CORIN: variants seen among roughly 807,000 people sequenced by gnomAD.
The protein encoded by CORIN is corin, serine peptidase.
Under a neutral mutation model 125.3 loss-of-function variants are expected in CORIN, and 117 were observed. The ratio of observed to expected loss-of-function variants is 0.93; its 90% CI spans 0.80 to 1.09. The LOEUF is 1.09. Ranked by LOEUF, CORIN falls within the 50% of genes least tolerant of loss-of-function variation. The pLI is 0.00. For synonymous variants in CORIN, 450 were observed against 466.4 expected (o/e 0.96, Z 0.45); for missense variants, 1,253 against 1,306.7 (o/e 0.96, Z 0.63).
At chr4:47,706,501 C>T (rs764303176) in intron 5 of CORIN, 62 of 1,611,526 alleles carry the variant, frequency 3.8e-5, no homozygotes, top group East Asian at 1.6e-4. Flanking sequence ...CCGCCCCACC[C>T]GGCCTGATAA....
chr4:47,601,838 A>G (rs16860440), intron 20 of CORIN, among the ~76,000 whole-genome samples: 13,863 of 152,156 alleles, frequency 0.091, 709 homozygotes, highest in East Asian at 0.17. Flanking sequence ...CTGTTCTGTA[A>G]TTGATGAAAT....
At chr4:47,814,593 T>C (rs987249914) in intron 1 of CORIN, among the ~76,000 whole-genome samples, 2 of 152,178 alleles carry the variant, frequency 1.3e-5, no homozygotes, top group Non-Finnish European at 2.9e-5. Context: ...AAGCCAGGCA[T>C]CTGCAATTCT....
intron 21 of CORIN, among the ~76,000 whole-genome samples, chr4:47,597,689 C>A (rs900355693): frequency 1.3e-5 from 2 of 152,154 alleles, no homozygotes; most frequent in African/African-American, 4.8e-5. Flanking sequence ...AGATGCTCAG[C>A]TATTGAAGTG....
intron 5 of CORIN, among the ~76,000 whole-genome samples, chr4:47,697,726 A>C (rs1179874886): frequency 1.3e-5 from 2 of 152,098 alleles, no homozygotes; most frequent in East Asian, 3.9e-4. Flanking sequence ...CAAAAAATAA[A>C]ATAAAATAAA....
At chr4:47,817,556 G>T (rs1326114653) in intron 1 of CORIN, among the ~76,000 whole-genome samples, 1 of 152,278 alleles carries the variant, frequency 6.6e-6, no homozygotes, top group Non-Finnish European at 1.5e-5. Flanking sequence ...TTAGCTTCTG[G>T]AGGTGAACAG....
chr4:47,755,761 C>A (rs1729108583), intron 4 of CORIN, among the ~76,000 whole-genome samples: 1 of 152,152 alleles, frequency 6.6e-6, no homozygotes, highest in Admixed American at 6.6e-5. Flanking sequence ...AAATATTATC[C>A]AAGTCGCCTT....
intron 21 of CORIN, among the ~76,000 whole-genome samples, chr4:47,599,452 T>C (rs201207831): frequency 0.36 from 54,877 of 151,938 alleles, 10,223 homozygotes; most frequent in Admixed American, 0.4. Flanking sequence ...TACTCCCAAT[T>C]AAAGGTGCTT....
At chr4:47,755,219 C>T (rs1729082027) in intron 4 of CORIN, among the ~76,000 whole-genome samples, 1 of 152,150 alleles carries the variant, frequency 6.6e-6, no homozygotes, top group African/African-American at 2.4e-5. Context: ...AAAATTCTTC[C>T]TTTAGCTAAG....
At chr4:47,737,996 T>TAG (rs1388295498) in intron 5 of CORIN, among the ~76,000 whole-genome samples, 1 of 148,238 alleles carries the variant, frequency 6.7e-6, no homozygotes, top group African/African-American at 2.5e-5. Flanking sequence ...GGGGTGTTTC[T>TAG]AAAAAAAAAA....
chr4:47,732,733 T>C (rs1043594659), intron 5 of CORIN, among the ~76,000 whole-genome samples: 5 of 152,132 alleles, frequency 3.3e-5, no homozygotes, highest in African/African-American at 1.2e-4. Context: ...CCGGCTTTTT[T>C]ATATTTTTAG....
rs796208425 is a variant in CORIN at position 47,790,140 on chromosome 4, G to GGTTCCACAGCCAGCCCACCGA, written c.209-3216_209-3215insTCGGTGGGCTGGCTGTGGAAC. The GGTTCCACAGCCAGCCCACCGA allele has an allele frequency of 2.0e-5, 16 of 811,652 alleles. 1 individual carries two copies. The African/African-American group carries it at 2.6e-4, about 13-fold the overall frequency. The allele number at this position is 811,652 out of a possible 1,614,324, so 50.3% of individuals were successfully genotyped here. ...TTATTGTGCTATGGTTAAAAGTACA[G>GGTTCCACAGCCAGCCCACCGA]GTTTAAATCCCATCTCTACCACTTG... is the stretch of plus-strand genomic sequence containing the variant. On this transcript the variant is annotated intron_variant, in intron 2 of 21. Transcript: ENST00000273857.
chr4:47,737,302 C>T (rs958492907), intron 5 of CORIN, among the ~76,000 whole-genome samples: 1 of 152,278 alleles, frequency 6.6e-6, no homozygotes, highest in Admixed American at 6.5e-5. Flanking sequence ...ATGTGTCTGG[C>T]CCATATCACA....
chr4:47,665,250 T>A lies in CORIN; in HGVS notation c.1371A>T (p.Pro457=), dbSNP rs757500279. The change falls in exon 11 of 22, where the codon CCA becomes CCT. Residue 457 remains proline, a synonymous_variant. Transcript: ENST00000273857. ...AATTCATGCAGAGTTCCAATGTAAT[T>A]GGTTCACATTGACCTAACAAAGAAA... The part of the protein sequence containing the change: ...NSLNNCSQCE[P]ITLELCMNLP... 149 of 1,611,352 alleles carry A rather than the reference T, an allele frequency of 9.2e-5. No homozygotes were observed. The African/African-American group carries it at 1.8e-3, about 20-fold the overall frequency.
chr4:47,746,664 A>G (rs895551391), intron 4 of CORIN, among the ~76,000 whole-genome samples: 1 of 151,926 alleles, frequency 6.6e-6, no homozygotes. Context: ...CTTCCCGAGT[A>G]GCTGGGATTA....
intron 10 of CORIN, among the ~76,000 whole-genome samples, chr4:47,672,208 G>A (rs1724793562): frequency 6.6e-6 from 1 of 152,132 alleles, no homozygotes; most frequent in East Asian, 1.9e-4. Context: ...CGCCCATCCC[G>A]ATGCTTGGAA....
At chr4:47,771,743 A>G (rs1730041106) in intron 3 of CORIN, among the ~76,000 whole-genome samples, 1 of 152,222 alleles carries the variant, frequency 6.6e-6, no homozygotes, top group South Asian at 2.1e-4. Flanking sequence ...ACCTAAACAC[A>G]GTAACTATTC....
At chr4:47,695,807 A>T (rs917267657) in intron 5 of CORIN, among the ~76,000 whole-genome samples, 4 of 152,254 alleles carry the variant, frequency 2.6e-5, no homozygotes, top group African/African-American at 9.6e-5. Context: ...CAATTATTAA[A>T]GTACTACAAA....
At chr4:47,725,296 G>T (rs1385812713) in intron 5 of CORIN, among the ~76,000 whole-genome samples, 2 of 151,580 alleles carry the variant, frequency 1.3e-5, no homozygotes, top group African/African-American at 4.8e-5. Flanking sequence ...TACATAGAAA[G>T]GCAAAGAACT....
chr4:47,700,493 G>T (rs1045115372), intron 5 of CORIN, among the ~76,000 whole-genome samples: 1 of 152,180 alleles, frequency 6.6e-6, no homozygotes, highest in Admixed American at 6.5e-5. Flanking sequence ...GGCATATTTT[G>T]CAGGGATCTC....
Sources: allele counts gnomAD v4.1 joint callset (sites outside exome capture counted in the v4.1 genomes callset), GRCh38; gene constraint gnomAD v4.1.1; transcripts MANE v1.5; gene names NCBI Gene and HGNC (gene_info 2026-07-23, HGNC 2026-07-21).